Variants in RHBDL1 observed in about 807,000 individuals in gnomAD.
The protein encoded by RHBDL1 is rhomboid-related protein 1.
RHBDL1 carries 21 observed loss-of-function variants against 34.0 expected under a neutral mutation model. The ratio of observed to expected loss-of-function variants is 0.62; its 90% confidence interval spans 0.44 to 0.89. RHBDL1 has a LOEUF of 0.89. RHBDL1 is among the 40% of genes least tolerant of loss of function. RHBDL1 has a pLI of 0.00. For synonymous variants in RHBDL1, 268 were observed against 234.8 expected (o/e 1.14, Z -1.29); for missense variants, 450 against 530.6 (o/e 0.85, Z 1.49).
Position 675,785 on chromosome 16 carries a change from G to A in RHBDL1, c.-6G>A. Reference sequence around the variant, plus strand: ...GACCCCGGACCCCGGCCCCCGGCCAGGCTCTATGGACAGGAGCTCGCTGCT... The same window carrying A: ...GACCCCGGACCCCGGCCCCCGGCCAAGCTCTATGGACAGGAGCTCGCTGCT... On this transcript the variant is annotated 5_prime_UTR_variant, in exon 1 of 8. Transcript: ENST00000352681. 2 of 1,475,836 alleles carry A rather than the reference G, an allele frequency of 1.4e-6. No individual in the cohort carries two copies. Among genetic ancestry groups the A allele is most frequent in the Non-Finnish European group, 1.8e-6 (2 of 1,114,906 alleles). 91.4% of individuals were successfully genotyped at this position (1,475,836 alleles called of 1,614,324 possible). A position where few individuals can be genotyped will look rare whatever the true frequency, so the allele number is the denominator to read the frequency against.
chr16:676,178 C>G lies in RHBDL1; in HGVS notation c.40-158C>G. 3 of 1,496,826 alleles carry G rather than the reference C, an allele frequency of 2.0e-6. No individual in the cohort carries two copies. The East Asian group carries it at 7.4e-5, about 37-fold the overall frequency. The allele number at this position is 1,496,826 out of a possible 1,614,324, so 92.7% of individuals were successfully genotyped here. A position where few individuals can be genotyped will look rare whatever the true frequency, so the allele number is the denominator to read the frequency against. Reference sequence around the variant, plus strand: ...CCAGGCACCAGTGCCCTGCCAGCTCCTGGGATCAAGCAGGGTCCCAGGGAA... The same window carrying G: ...CCAGGCACCAGTGCCCTGCCAGCTCGTGGGATCAAGCAGGGTCCCAGGGAA... On this transcript the variant is annotated intron_variant, in intron 1 of 7. Coordinates refer to ENST00000352681, the MANE Select transcript of RHBDL1 (RefSeq NM_001278720.2). This position sits in a 1 kb window ranked among gnomAD's most constrained non-coding sequence, Gnocchi z 6.9.
rs775334989 is a variant in RHBDL1 at position 676,467 on chromosome 16, C to T, written c.171C>T (p.Gly57=). The T allele has an allele frequency of 1.3e-6, 2 of 1,598,752 alleles. No homozygotes were observed. The highest frequency in any genetic ancestry group is 2.7e-5 in the African/African-American group (2 of 74,722). Residue 57 remains glycine, a synonymous_variant, in exon 2 of 8, where the codon GGC becomes GGT. Coordinates refer to ENST00000352681, the MANE Select transcript of RHBDL1 (RefSeq NM_001278720.2). This position sits in a 1 kb window ranked among gnomAD's most constrained non-coding sequence, Gnocchi z 6.9. Reference sequence around the variant, plus strand: ...CCCTGGCTCAGAGCAACGAGCAGGGCCAGGTCTGCTACCAGGAGCTGGTGG... The same window carrying T: ...CCCTGGCTCAGAGCAACGAGCAGGGTCAGGTCTGCTACCAGGAGCTGGTGG... The part of the protein sequence containing the change: ...LVALAQSNEQ[G]QVCYQELVDL...
chr16:677,652 T>C lies in RHBDL1; in HGVS notation c.803T>C (p.Met268Thr). 2 of 1,554,906 alleles carry C rather than the reference T, an allele frequency of 1.3e-6. No individual in the cohort carries two copies. The highest frequency in any genetic ancestry group is 1.8e-6 in the Non-Finnish European group (2 of 1,141,134). The stretch of plus-strand genomic sequence containing the variant: ...ACACACCCATAGAACTGGGCTGGGA[T>C]GAGATGTCCCTACAAGTTGCTGAGG... ...LANVVMNWAG[M>T]RCPYKLLRMV... Residue 268 changes from methionine (M) to threonine (T), a missense_variant, in exon 7 of 8, where the codon ATG becomes ACG. Transcript: ENST00000352681.
Position 676,648 on chromosome 16 carries a change from C to T in RHBDL1, c.202-24C>T, listed in dbSNP as rs763388049. On this transcript the variant is annotated intron_variant, in intron 2 of 7. Coordinates refer to ENST00000352681, the MANE Select transcript of RHBDL1 (RefSeq NM_001278720.2). The surrounding 1 kb of genome is among the most constrained non-coding windows in gnomAD (Gnocchi z 6.9). ...GGGGTGCCATGGGGAGGTCCGTGGCCCACACTCAGGCCCCTGCCCCCAGAT... is the reference window on the plus strand; with the variant it reads ...GGGGTGCCATGGGGAGGTCCGTGGCTCACACTCAGGCCCCTGCCCCCAGAT... The T allele has an allele frequency of 6.2e-7, 1 of 1,606,808 alleles. No homozygotes were observed. The highest frequency in any genetic ancestry group is 1.1e-5 in the South Asian group (1 of 90,990).
In RHBDL1 at chr16:677,469, C is replaced by G. The variant is rs759999974; in HGVS notation, c.699C>G (p.Thr233=). The G allele has an allele frequency of 1.0e-5, 16 of 1,607,224 alleles. No individual in the cohort carries two copies. The South Asian group carries it at 1.7e-4, about 17-fold the overall frequency. The change falls in exon 6 of 8, where the codon ACC becomes ACG. Residue 233 remains threonine (T), a synonymous_variant. Coordinates refer to ENST00000352681, the MANE Select transcript of RHBDL1 (RefSeq NM_001278720.2). ...CGCTTGCTCACACAGGCTCCCTAAC[C>G]GTCTCCATCACCGACATGCGGGCCC... ...YLAGVLAGSL[T]VSITDMRAPV...
chr16:678,037 C>A lies in RHBDL1; in HGVS notation c.1107C>A (p.Ile369=), dbSNP rs759777387. Residue 369 remains isoleucine, a synonymous_variant, in exon 8 of 8, where the codon ATC becomes ATA. Transcript: ENST00000352681. The part of the protein sequence containing the change: ...VFAYDLLGAH[I]PPPP The stretch of plus-strand genomic sequence containing the variant: ...CCTACGACCTGCTGGGCGCCCACAT[C>A]CCCCCACCGCCCTGACCGGCTACCT... 6.4e-7 allele frequency: 1 copy of A among 1,569,708 alleles called. No homozygotes were observed. Among genetic ancestry groups the A allele is most frequent in the Non-Finnish European group, 8.6e-7 (1 of 1,163,120 alleles).
In RHBDL1 at chr16:676,119, CGGG is replaced by C; in HGVS notation, c.40-214_40-212del. The C allele has an allele frequency of 6.9e-7, 1 of 1,453,982 alleles. No homozygotes were observed. The highest frequency in any genetic ancestry group is 9.1e-7 in the Non-Finnish European group (1 of 1,099,300). The allele number at this position is 1,453,982 out of a possible 1,614,324, so 90.1% of individuals were successfully genotyped here. On this transcript the variant is annotated intron_variant, in intron 1 of 7. Transcript: ENST00000352681. The surrounding 1 kb of genome is among the most constrained non-coding windows in gnomAD (Gnocchi z 6.9). ...TTTCCAGGATGGGTAGGGTGGAAGA[CGGG>C]GGAACAACTGAGGAGCTGGAGGACT... is the stretch of plus-strand genomic sequence containing the variant.
In RHBDL1 at chr16:675,847, C is replaced by A; in HGVS notation, c.39+18C>A. The stretch of plus-strand genomic sequence containing the variant: ...AGGAGCAGGTGCGTCGGGGGGTGGT[C>A]TGGGGAGCTGGCACCGCCCCCAATG... On this transcript the variant is annotated intron_variant, in intron 1 of 7. Coordinates refer to ENST00000352681, the MANE Select transcript of RHBDL1 (RefSeq NM_001278720.2). 1 of 1,512,788 alleles carries A rather than the reference C, an allele frequency of 6.6e-7. No individual in the cohort carries two copies. Among genetic ancestry groups the A allele is most frequent in the Non-Finnish European group, 8.8e-7 (1 of 1,132,756 alleles). 93.7% of individuals were successfully genotyped at this position (1,512,788 alleles called of 1,614,324 possible).
chr16:676,544 G>T lies in RHBDL1; in HGVS notation c.201+47G>T. On this transcript the variant is annotated intron_variant, in intron 2 of 7. Coordinates refer to ENST00000352681, the MANE Select transcript of RHBDL1 (RefSeq NM_001278720.2). This position sits in a 1 kb window ranked among gnomAD's most constrained non-coding sequence, Gnocchi z 6.9. ...CGGCAGGGGCACGGTGTCCTGGCCA[G>T]AGGAGGCGGGCAGGCAGCTCCTCAC... 1 of 1,570,154 alleles carries T rather than the reference G, an allele frequency of 6.4e-7. No homozygotes were observed. Among genetic ancestry groups the T allele is most frequent in the South Asian group, 1.1e-5 (1 of 87,350 alleles).
At chr16:677,594 G>A in intron 6 of RHBDL1, 35 bp downstream of exon 6, 2 of 1,605,792 alleles carry the variant, frequency 1.2e-6, no homozygotes, top group East Asian at 2.2e-5. Context: ...CGTGGGGAGG[G>A]GCCCCAGGTG....
At position 677,948 on chromosome 16, in the gene RHBDL1, T is replaced by C. The variant is rs1161508583; in HGVS notation, c.1018T>C (p.Trp340Arg). 2 of 1,603,338 alleles carry C rather than the reference T, an allele frequency of 1.2e-6. No homozygotes were observed. The highest frequency in any genetic ancestry group is 1.7e-6 in the Non-Finnish European group (2 of 1,179,410). The stretch of plus-strand genomic sequence containing the variant: ...GGAGCGCCTGCGGGACCAGTGCGGC[T>C]GGTGGGTGGTGCTGCTGGCCTACGG... ...YEERLRDQCG[W>R]WVVLLAYGTF... Residue 340 changes from tryptophan to arginine, a missense_variant, in exon 8 of 8, where the codon TGG (tryptophan) becomes CGG (arginine). Trp to Arg is a moderately radical substitution (Grantham distance 101). Transcript: ENST00000352681.
chr16:677,588 G>A, intron 6 of RHBDL1, 29 bp downstream of exon 6: 3 of 1,607,008 alleles, frequency 1.9e-6, no homozygotes, highest in South Asian at 1.1e-5. Context: ...GGGGGGCGTG[G>A]GGAGGGGCCC....
rs757137519 is a variant in RHBDL1 at position 675,756 on chromosome 16, C to T, written c.-35C>T. ...CAGAGCAGCCCCTCCCGGCCGCGGC[C>T]GCCGACCCCGGACCCCGGCCCCCGG... On this transcript the variant is annotated 5_prime_UTR_variant, in exon 1 of 8. Transcript: ENST00000352681. 1.9e-4 allele frequency: 269 copies of T among 1,427,864 alleles called. No individual in the cohort carries two copies. The highest frequency in any genetic ancestry group is 2.6e-4 in the South Asian group (19 of 72,916). 88.4% of individuals were successfully genotyped at this position (1,427,864 alleles called of 1,614,324 possible).
In RHBDL1 at chr16:675,715, G is replaced by C. The variant is rs1467678776; in HGVS notation, c.-76G>C. The C allele has an allele frequency of 1.2e-6, 1 of 815,580 alleles. No homozygotes were observed. The highest frequency in any genetic ancestry group is 1.7e-6 in the Non-Finnish European group (1 of 596,176). 50.5% of individuals were successfully genotyped at this position (815,580 alleles called of 1,614,324 possible). On this transcript the variant is annotated 5_prime_UTR_variant, in exon 1 of 8. Coordinates refer to ENST00000352681, the MANE Select transcript of RHBDL1 (RefSeq NM_001278720.2). Reference sequence around the variant, plus strand: ...GCGGGCGGAGCGGGCCGGCTGGGGCGGAGCGGAGTCGTCCGCAGAGCAGCC... The same window carrying C: ...GCGGGCGGAGCGGGCCGGCTGGGGCCGAGCGGAGTCGTCCGCAGAGCAGCC...
In RHBDL1 at chr16:677,538, A is replaced by C. The variant is rs1463889795; in HGVS notation, c.768A>C (p.Ala256=). 6.2e-7 allele frequency: 1 copy of C among 1,609,948 alleles called. No homozygotes were observed. The highest frequency in any genetic ancestry group is 1.3e-5 in the African/African-American group (1 of 74,866). Residue 256 remains alanine (A), a synonymous_variant, in exon 6 of 8, where the codon GCA becomes GCC. Transcript: ENST00000352681. The part of the protein sequence containing the change: ...GSGGVYALCS[A]HLANVVMNWA... ...GCGGGGTCTACGCCCTGTGCTCGGC[A>C]CACCTGGCCAACGTTGTCATGGTAA...
chr16:675,853 A>T (rs1445745221), intron 1 of RHBDL1, 24 bp downstream of exon 1: 1 of 1,502,080 alleles, frequency 6.7e-7, no homozygotes, highest in Non-Finnish European at 8.9e-7. Flanking sequence ...TGGTCTGGGG[A>T]GCTGGCACCG....
In RHBDL1 at chr16:678,033, A is replaced by G; in HGVS notation, c.1103A>G (p.His368Arg). 1.3e-6 allele frequency: 2 copies of G among 1,577,276 alleles called. No homozygotes were observed. Among genetic ancestry groups the G allele is most frequent in the Non-Finnish European group, 1.7e-6 (2 of 1,167,394 alleles). ...TTCGCCTACGACCTGCTGGGCGCCCACATCCCCCCACCGCCCTGACCGGCT... is the reference window on the plus strand; with the variant it reads ...TTCGCCTACGACCTGCTGGGCGCCCGCATCCCCCCACCGCCCTGACCGGCT... ...NVFAYDLLGA[H>R]IPPPP Residue 368 changes from histidine to arginine, a missense_variant, in exon 8 of 8, where the codon CAC becomes CGC. Coordinates refer to ENST00000352681, the MANE Select transcript of RHBDL1 (RefSeq NM_001278720.2).
Position 677,635 on chromosome 16 carries a change from A to G in RHBDL1, c.790-4A>G, listed in dbSNP as rs770314702. ...CACCACTTCTCGTCTGCACACACCCATAGAACTGGGCTGGGATGAGATGTC... is the reference window on the plus strand; with the variant it reads ...CACCACTTCTCGTCTGCACACACCCGTAGAACTGGGCTGGGATGAGATGTC... On this transcript the variant is annotated splice_region_variant and splice_polypyrimidine_tract_variant and intron_variant, in intron 6 of 7. Transcript: ENST00000352681. 2.5e-6 allele frequency: 4 copies of G among 1,590,508 alleles called. No individual in the cohort carries two copies. The highest frequency in any genetic ancestry group is 2.3e-5 in the South Asian group (2 of 88,008).
Position 676,230 on chromosome 16 carries a change from A to G in RHBDL1, c.40-106A>G. On this transcript the variant is annotated intron_variant, in intron 1 of 7. Transcript: ENST00000352681. This position sits in a 1 kb window ranked among gnomAD's most constrained non-coding sequence, Gnocchi z 6.9. ...AGACAGGCACGGGGCCCCTGTCCCA[A>G]AAGTGCTGGGAGCCTGAGCCTGATG... 3 of 1,549,986 alleles carry G rather than the reference A, an allele frequency of 1.9e-6. No individual in the cohort carries two copies. The highest frequency in any genetic ancestry group is 2.4e-5 in the South Asian group (2 of 84,664).
Sources: gnomAD v4.1 joint callset for allele counts on GRCh38, gnomAD v4.1.1 for gene constraint, Gnocchi (gnomAD v3.1) non-coding constraint, MANE v1.5 for transcripts, NCBI Gene and HGNC (gene_info 2026-07-23, HGNC 2026-07-21) for gene names.